ADGRL3: variants seen among roughly 807,000 people sequenced by gnomAD.
The protein encoded by ADGRL3 is adhesion G protein-coupled receptor L3, also known as calcium-independent alpha-latrotoxin receptor 3.
ADGRL3 carries 62 observed loss-of-function variants against 153.5 expected under a neutral mutation model. The ratio of observed to expected loss-of-function variants is 0.40; its 90% CI spans 0.33 to 0.50. ADGRL3 has a LOEUF of 0.50. ADGRL3 is among the 20% of genes least tolerant of loss of function. ADGRL3 has a pLI of 0.47. For missense variants in ADGRL3, 1,641 were observed against 1,859.4 expected (o/e 0.88, Z 2.16); for synonymous variants, 710 against 672.5 (o/e 1.06, Z -0.86).
chr4:61,363,994 AAAT>A (rs2096343360), intron 1 of ADGRL3, among the ~76,000 whole-genome samples: 1 of 152,064 alleles, frequency 6.6e-6, no homozygotes, highest in Non-Finnish European at 1.5e-5. Context: ...GGGCGTGGTC[AAAT>A]AATAAATAAT....
intron 4 of ADGRL3, among the ~76,000 whole-genome samples, chr4:61,532,127 A>C (rs1198852409): frequency 6.6e-6 from 1 of 152,222 alleles, no homozygotes; most frequent in African/African-American, 2.4e-5. Context: ...ATCAGAAGGC[A>C]TACCTTAATT....
intron 5 of ADGRL3, among the ~76,000 whole-genome samples, chr4:61,670,687 G>A (rs2094960151): frequency 6.6e-6 from 1 of 152,104 alleles, no homozygotes; most frequent in African/African-American, 2.4e-5. Flanking sequence ...AAAAAATGAT[G>A]CTGAGCTCTA....
intron 13 of ADGRL3, among the ~76,000 whole-genome samples, chr4:61,934,272 A>G (rs1266321484): frequency 6.6e-6 from 1 of 152,188 alleles, no homozygotes; most frequent in East Asian, 1.9e-4. Context: ...TAACATATCC[A>G]AAGCCCCTGG....
At chr4:62,059,987 T>A (rs1051430603) in intron 25 of ADGRL3, among the ~76,000 whole-genome samples, 11 of 152,120 alleles carry the variant, frequency 7.2e-5, no homozygotes, top group Non-Finnish European at 1.6e-4. Context: ...AGATTATTTT[T>A]AAAATCTTTG....
intron 8 of ADGRL3, among the ~76,000 whole-genome samples, chr4:61,795,463 C>T (rs368476844): frequency 6.6e-6 from 1 of 152,152 alleles, no homozygotes; most frequent in Admixed American, 6.5e-5. Context: ...ACAGCAACTA[C>T]TGATTAGAAT....
At chr4:61,923,611 A>G (rs1434163944) in intron 13 of ADGRL3, among the ~76,000 whole-genome samples, 3 of 152,110 alleles carry the variant, frequency 2.0e-5, no homozygotes, top group Admixed American at 6.6e-5. Flanking sequence ...ACTTGGATTA[A>G]TTCTAGATTT....
intron 6 of ADGRL3, among the ~76,000 whole-genome samples, chr4:61,684,360 GA>G (rs1212660045): frequency 6.6e-6 from 1 of 152,092 alleles, no homozygotes; most frequent in East Asian, 1.9e-4. Context: ...CCAGGCCTCT[GA>G]AAAAGTAAGA....
chr4:61,468,299 C>G (rs2097908553), intron 2 of ADGRL3, among the ~76,000 whole-genome samples: 1 of 152,070 alleles, frequency 6.6e-6, no homozygotes, highest in Non-Finnish European at 1.5e-5. Context: ...CTTATAAATA[C>G]CAGGTAGCTC....
chr4:61,687,818 A>T (rs943153549), intron 6 of ADGRL3, among the ~76,000 whole-genome samples: 9 of 152,144 alleles, frequency 5.9e-5, no homozygotes, highest in South Asian at 2.1e-4. Flanking sequence ...TCAAATAGAA[A>T]TTTTTTTACA....
intron 9 of ADGRL3, among the ~76,000 whole-genome samples, chr4:61,890,602 C>A (rs886091707): frequency 6.6e-6 from 1 of 152,126 alleles, no homozygotes; most frequent in Non-Finnish European, 1.5e-5. Context: ...GATACCTAGC[C>A]CTCTCCCACA....
intron 6 of ADGRL3, among the ~76,000 whole-genome samples, chr4:61,710,078 A>G (rs2095939838): frequency 6.6e-6 from 1 of 152,230 alleles, no homozygotes; most frequent in African/African-American, 2.4e-5. Flanking sequence ...TTACTTTTAT[A>G]GACATTTAAA....
chr4:61,863,769 A>C (rs1302232011), intron 9 of ADGRL3, among the ~76,000 whole-genome samples: 5 of 152,236 alleles, frequency 3.3e-5, no homozygotes, highest in Non-Finnish European at 7.3e-5. Context: ...CACAAAAATC[A>C]CTGCCAGCAT....
At chr4:61,625,960 AGT>A (rs979090630) in intron 5 of ADGRL3, among the ~76,000 whole-genome samples, 4 of 152,050 alleles carry the variant, frequency 2.6e-5, no homozygotes, top group African/African-American at 9.7e-5. Flanking sequence ...AGTGTCTGCA[AGT>A]GTGTAACTAT....
chr4:61,639,860 A>T (rs180705870), intron 5 of ADGRL3, among the ~76,000 whole-genome samples: 1 of 152,174 alleles, frequency 6.6e-6, no homozygotes, highest in Non-Finnish European at 1.5e-5. Context: ...TGAATTTAGT[A>T]TCTAGATTTC....
At chr4:61,502,534 A>G (rs1241984091) in intron 3 of ADGRL3, among the ~76,000 whole-genome samples, 2 of 147,420 alleles carry the variant, frequency 1.4e-5, no homozygotes, top group African/African-American at 5.0e-5. Flanking sequence ...ATCTGTATTT[A>G]TATATTCAGG....
chr4:61,834,198 G>A (rs1024698206), intron 9 of ADGRL3, among the ~76,000 whole-genome samples: 3 of 149,126 alleles, frequency 2.0e-5, no homozygotes, highest in Non-Finnish European at 3.0e-5. Flanking sequence ...ACCTATGAGT[G>A]AGAACATGCG....
rs139614481 is a variant in ADGRL3 at position 62,076,275 on chromosome 4, T to C, written c.*5367T>C. The C allele has an allele frequency of 6.6e-6, 1 of 152,112 alleles. No individual in the cohort carries two copies. The highest frequency in any genetic ancestry group is 1.5e-5 in the Non-Finnish European group (1 of 67,968). 9.4% of individuals were successfully genotyped at this position (152,112 alleles called of 1,614,324 possible). A position where few individuals can be genotyped will look rare whatever the true frequency, so the allele number is the denominator to read the frequency against. On this transcript the variant is annotated 3_prime_UTR_variant, in exon 27 of 27. Coordinates refer to ENST00000683033, the MANE Select transcript of ADGRL3 (RefSeq NM_001387552.1). Reference sequence around the variant, plus strand: ...GATGTTTCTTTTTCTCTTAATAGTATGTCAAAAGCATTGTTCTCATTTGAT... The same window carrying C: ...GATGTTTCTTTTTCTCTTAATAGTACGTCAAAAGCATTGTTCTCATTTGAT...
chr4:61,858,111 A>G (rs2098298769), intron 9 of ADGRL3, among the ~76,000 whole-genome samples: 2 of 152,184 alleles, frequency 1.3e-5, no homozygotes, highest in Admixed American at 1.3e-4. Flanking sequence ...ATTGAGTTTG[A>G]GATGCCTACA....
At chr4:61,725,020 G>A (rs1464245121) in intron 6 of ADGRL3, among the ~76,000 whole-genome samples, 1 of 152,120 alleles carries the variant, frequency 6.6e-6, no homozygotes, top group African/African-American at 2.4e-5. Flanking sequence ...AGGGGTGATA[G>A]CACTGAAAAG....
Sources: gnomAD v4.1 joint callset for allele counts (sites outside exome capture counted in the v4.1 genomes callset) on GRCh38, gnomAD v4.1.1 for gene constraint, MANE v1.5 for transcripts, NCBI Gene and HGNC (gene_info 2026-07-23, HGNC 2026-07-21) for gene names.